PGM1: variants seen among roughly 807,000 people sequenced by gnomAD.
PGM1 encodes the protein phosphoglucomutase-1.
A neutral mutation model predicts 55.6 loss-of-function variants in PGM1; 52 were observed. The ratio of observed to expected loss-of-function variants is 0.94; its 90% confidence interval spans 0.75 to 1.18. The LOEUF (loss-of-function observed/expected upper bound fraction) is 1.18, where lower values mean the gene tolerates loss of function less well. Among genes scored for constraint, PGM1 ranks in the 50% most tolerant of loss-of-function variants. The probability of loss-of-function intolerance (pLI) is 0.00; values close to 1 mark genes in which losing one functional copy is unlikely to be tolerated. For missense variants in PGM1, 724 were observed against 729.3 expected, an observed-to-expected ratio of 0.99 and a Z score of 0.08; for synonymous variants, 287 against 271.7, an observed-to-expected ratio of 1.06 and a Z score of -0.55.
chr1:63,649,402 G>A (rs1649744646), intron 8 of PGM1, among the ~76,000 whole-genome samples: 1 of 152,064 alleles, frequency 6.6e-6, no homozygotes, highest in African/African-American at 2.4e-5. Context: ...ATTCCAATTT[G>A]CCTTTCCCCC....
At chr1:63,648,447 C>T (rs746522598) in intron 7 of PGM1, 70 bp from the exon 8 acceptor site, 16 of 1,580,726 alleles carry the variant, frequency 1.0e-5, no homozygotes, top group Non-Finnish European at 1.3e-5. Flanking sequence ...AGAGCCAAAC[C>T]ATATCAAGTA....
chr1:63,653,727 G>A (rs1198762028), intron 9 of PGM1, among the ~76,000 whole-genome samples: 1 of 152,196 alleles, frequency 6.6e-6, no homozygotes, highest in African/African-American at 2.4e-5. Context: ...AGAGAAGGAT[G>A]GGCTTGGCAC....
intron 1 of PGM1, among the ~76,000 whole-genome samples, chr1:63,628,529 A>G (rs929088168): frequency 2.0e-5 from 3 of 152,226 alleles, no homozygotes; most frequent in Non-Finnish European, 4.4e-5. Context: ...TGTTTCTTCA[A>G]TCATGTTTAT....
intron 7 of PGM1, among the ~76,000 whole-genome samples, chr1:63,639,080 CAG>C (rs754320897): frequency 2.5e-4 from 38 of 152,262 alleles, no homozygotes; most frequent in Non-Finnish European, 4.0e-4. Context: ...AGGGATTAAA[CAG>C]AGCGATAAAC....
At chr1:63,604,822 G>T (rs1192445473) in intron 1 of PGM1, among the ~76,000 whole-genome samples, 1 of 151,688 alleles carries the variant, frequency 6.6e-6, no homozygotes, top group African/African-American at 2.4e-5. Context: ...CCCATGTGTG[G>T]CTCCTTGTGT....
chr1:63,638,955 A>T (rs1181011937), intron 7 of PGM1, among the ~76,000 whole-genome samples, 155 bp downstream of exon 7: 1 of 150,396 alleles, frequency 6.6e-6, no homozygotes, highest in Non-Finnish European at 1.5e-5. Flanking sequence ...AAATGTGCAC[A>T]TTTGAAAAGG....
intron 10 of PGM1, among the ~76,000 whole-genome samples, chr1:63,655,360 T>G (rs1305544482): frequency 6.6e-6 from 1 of 152,202 alleles, no homozygotes; most frequent in Non-Finnish European, 1.5e-5. Flanking sequence ...TTTGGTCTGA[T>G]CACCTGCTTG....
intron 1 of PGM1, among the ~76,000 whole-genome samples, chr1:63,612,714 T>C (rs1648602926): frequency 6.6e-6 from 1 of 152,228 alleles, no homozygotes; most frequent in Non-Finnish European, 1.5e-5. Context: ...TCTACTTCCT[T>C]CACTATTGCA....
chr1:63,638,890 A>G (rs1649436377), intron 7 of PGM1, 90 bp downstream of exon 7: 1 of 909,482 alleles, frequency 1.1e-6, no homozygotes, highest in East Asian at 2.4e-5. Flanking sequence ...TGAAATACCA[A>G]CGGTAGCCGA....
At chr1:63,617,824 C>T (rs1470210287) in intron 1 of PGM1, among the ~76,000 whole-genome samples, 1 of 148,144 alleles carries the variant, frequency 6.8e-6, no homozygotes, top group Non-Finnish European at 1.5e-5. Context: ...GTTTCATTTT[C>T]CTCTCTCTCT....
At chr1:63,597,857 C>A (rs944381469) in intron 1 of PGM1, among the ~76,000 whole-genome samples, 3 of 152,156 alleles carry the variant, frequency 2.0e-5, no homozygotes, top group Non-Finnish European at 2.9e-5. Flanking sequence ...TTTGTGGGAA[C>A]TTATGAGCAA....
At chr1:63,617,015 A>T (rs185332983) in intron 1 of PGM1, among the ~76,000 whole-genome samples, 1 of 152,330 alleles carries the variant, frequency 6.6e-6, no homozygotes, top group Non-Finnish European at 1.5e-5. Context: ...AGCTCTTTAC[A>T]TTTGTAAACT....
chr1:63,631,742 G>A lies in PGM1; in HGVS notation c.642G>A (p.Gly214=), dbSNP rs1649200945. 1 of 1,613,494 alleles carries A rather than the reference G, an allele frequency of 6.2e-7. No homozygotes were observed. Among genetic ancestry groups the A allele is most frequent in the Non-Finnish European group, 8.5e-7 (1 of 1,179,608 alleles). Residue 214 remains glycine (G), a synonymous_variant, in exon 4 of 11, where the codon GGG becomes GGA. Coordinates refer to ENST00000371084, the MANE Select transcript of PGM1 (RefSeq NM_002633.3). ...GTGCACTGAAAGAACTACTTTCTGG[G>A]CCAAACCGACTGAAGATCCGTATTG... ...DFSALKELLS[G]PNRLKIRIDA... is the part of the protein sequence containing the mutation.
intron 2 of PGM1, 150 bp from the exon 3 acceptor site, chr1:63,629,792 G>T: frequency 9.7e-7 from 1 of 1,029,804 alleles, no homozygotes. Context: ...TCCTTAACAT[G>T]ATATTTTCTT....
At chr1:63,647,788 A>G (rs61765292) in intron 7 of PGM1, among the ~76,000 whole-genome samples, 32,100 of 152,042 alleles carry the variant, frequency 0.21, 3,698 homozygotes, top group Admixed American at 0.33. Flanking sequence ...CTATTAAGCT[A>G]CCAGACTATT....
intron 4 of PGM1, among the ~76,000 whole-genome samples, chr1:63,633,464 G>A (rs1245915098): frequency 6.6e-6 from 1 of 152,126 alleles, no homozygotes; most frequent in Admixed American, 6.5e-5. Flanking sequence ...TCAGTAACCT[G>A]CTTAATAGGT....
chr1:63,623,866 C>A, intron 1 of PGM1: 1 of 702,054 alleles, frequency 1.4e-6, no homozygotes, highest in Non-Finnish European at 2.3e-6. Flanking sequence ...CACTTCAATT[C>A]TACTAACATC....
intron 1 of PGM1, among the ~76,000 whole-genome samples, chr1:63,610,837 T>TA (rs1648545090): frequency 6.6e-6 from 1 of 152,146 alleles, no homozygotes; most frequent in Non-Finnish European, 1.5e-5. Flanking sequence ...GCCTGATACT[T>TA]AAGTTTTCTC....
chr1:63,604,755 C>G lies in PGM1; in HGVS notation c.246+11021C>G, dbSNP rs761485641. ...AGCACTCCTTTCCAGTGGAGGCACCCCAGATTCCTTCCAGTTACCCAGTCA... is the reference window on the plus strand; with the variant it reads ...AGCACTCCTTTCCAGTGGAGGCACCGCAGATTCCTTCCAGTTACCCAGTCA... On this transcript the variant is annotated intron_variant, in intron 1 of 10. Transcript: ENST00000371084. Among the ~76,000 whole-genome samples the G allele has an allele frequency of 2.4e-4, 36 of 152,096 alleles. 1 individual carries two copies. The highest frequency in any genetic ancestry group is 3.7e-4 in the Non-Finnish European group (25 of 68,016).
Sources: gnomAD v4.1 joint callset for allele counts (sites outside exome capture counted in the v4.1 genomes callset) on GRCh38, gnomAD v4.1.1 for gene constraint, MANE v1.5 for transcripts, NCBI Gene and HGNC (gene_info 2026-07-23, HGNC 2026-07-21) for gene names.